PACRG: variants seen among roughly 807,000 people sequenced by gnomAD.
The protein encoded by PACRG is parkin coregulated gene protein.
A neutral mutation model predicts 29.7 loss-of-function variants in PACRG; 29 were observed. The observed-to-expected ratio is 0.98, with a 90% CI of 0.73 to 1.33. PACRG has a LOEUF of 1.33. Ranked by LOEUF, PACRG falls within the 40% of genes most tolerant of loss-of-function variation. The pLI is 0.00. For synonymous variants in PACRG, 116 were observed against 118.7 expected, an observed-to-expected ratio of 0.98 and a Z score of 0.15; for missense variants, 279 against 316.2, an observed-to-expected ratio of 0.88 and a Z score of 0.89.
chr6:162,731,352 A>G (rs1250384425), intron 1 of PACRG, among the ~76,000 whole-genome samples: 2 of 152,122 alleles, frequency 1.3e-5, no homozygotes, highest in African/African-American at 4.8e-5. Context: ...TTGGATTGAA[A>G]TGTTTGGGAT....
intron 2 of PACRG, among the ~76,000 whole-genome samples, chr6:162,936,637 A>G (rs1247484471): frequency 6.6e-6 from 1 of 152,096 alleles, no homozygotes; most frequent in Non-Finnish European, 1.5e-5. Flanking sequence ...TATTGTTTCC[A>G]TTATAATTTT....
chr6:162,947,617 T>TATATATAATCATATATATATATAATC (rs1554313367), intron 2 of PACRG, among the ~76,000 whole-genome samples: 1 of 38,340 alleles, frequency 2.6e-5, no homozygotes, highest in East Asian at 5.6e-4. Context: ...TAATCATATA[T>TATATATAATCATATATATATATAATC]ATATATATAT....
intron 2 of PACRG, among the ~76,000 whole-genome samples, chr6:162,955,473 G>C (rs1562775375): frequency 6.6e-6 from 1 of 151,912 alleles, no homozygotes; most frequent in African/African-American, 2.4e-5. Context: ...CTAATTTTTT[G>C]TATTTTTAGT....
intron 2 of PACRG, among the ~76,000 whole-genome samples, chr6:162,851,979 A>G (rs950256371): frequency 2.6e-5 from 3 of 115,540 alleles, no homozygotes; most frequent in African/African-American, 1.2e-4. Flanking sequence ...GGAAAAGAGA[A>G]AAGAAAAGGG....
chr6:162,854,344 G>A (rs546058207), intron 2 of PACRG, among the ~76,000 whole-genome samples: 25 of 152,056 alleles, frequency 1.6e-4, no homozygotes, highest in Non-Finnish European at 3.7e-4. Context: ...ACTGGGAACA[G>A]AAACTTCTAC....
At chr6:162,792,906 G>A (rs1785073193) in intron 1 of PACRG, among the ~76,000 whole-genome samples, 1 of 152,160 alleles carries the variant, frequency 6.6e-6, no homozygotes, top group Non-Finnish European at 1.5e-5. Context: ...GTGACCTAGT[G>A]TTTACACTTT....
At chr6:163,083,259 A>G (rs879627002) in intron 3 of PACRG, among the ~76,000 whole-genome samples, 4 of 152,188 alleles carry the variant, frequency 2.6e-5, no homozygotes, top group Non-Finnish European at 5.9e-5. Context: ...GCTCACTGAG[A>G]TAGATGCAAA....
chr6:163,020,431 CA>C (rs138748793), intron 2 of PACRG, among the ~76,000 whole-genome samples: 5,280 of 152,204 alleles, frequency 0.035, 133 homozygotes, highest in Non-Finnish European at 0.051. Context: ...TAAAACCAAA[CA>C]CGCAGAGACC....
intron 1 of PACRG, among the ~76,000 whole-genome samples, chr6:162,761,399 C>A (rs777293970): frequency 6.6e-6 from 1 of 152,160 alleles, no homozygotes; most frequent in Admixed American, 6.5e-5. Flanking sequence ...TATAAAGGCG[C>A]AGGATCACGA....
chr6:163,300,689 G>A (rs766524895), intron 4 of PACRG, among the ~76,000 whole-genome samples: 62 of 152,280 alleles, frequency 4.1e-4, no homozygotes, highest in Middle Eastern at 3.4e-3. Context: ...TCAGGAAACC[G>A]GAATATAAAT....
At chr6:162,795,158 A>G (rs1379493120) in intron 1 of PACRG, among the ~76,000 whole-genome samples, 2 of 151,816 alleles carry the variant, frequency 1.3e-5, no homozygotes, top group African/African-American at 4.8e-5. Flanking sequence ...AATTTGCCTG[A>G]TATGTTCAAG....
At chr6:163,017,045 A>T (rs1190802536) in intron 2 of PACRG, among the ~76,000 whole-genome samples, 1 of 152,154 alleles carries the variant, frequency 6.6e-6, no homozygotes, top group African/African-American at 2.4e-5. Context: ...CTAGAAATAC[A>T]CTCATGAAGG....
At chr6:162,742,579 A>T (rs1283769470) in intron 1 of PACRG, among the ~76,000 whole-genome samples, 1 of 152,162 alleles carries the variant, frequency 6.6e-6, no homozygotes, top group East Asian at 1.9e-4. Context: ...GGTTCATCAT[A>T]GTGTCATAAA....
At chr6:162,984,207 T>G (rs1207104905) in intron 2 of PACRG, among the ~76,000 whole-genome samples, 4 of 151,958 alleles carry the variant, frequency 2.6e-5, no homozygotes, top group Admixed American at 6.6e-5. Flanking sequence ...AAAGTCCAAT[T>G]ATCATTCTTA....
intron 2 of PACRG, among the ~76,000 whole-genome samples, chr6:162,858,681 G>T (rs959035604): frequency 5.3e-5 from 8 of 152,292 alleles, no homozygotes; most frequent in African/African-American, 1.9e-4. Context: ...GCAGAAGTAA[G>T]ACTGGAGGAT....
At chr6:162,732,141 CCT>C (rs1779817167) in intron 1 of PACRG, among the ~76,000 whole-genome samples, 2 of 152,192 alleles carry the variant, frequency 1.3e-5, no homozygotes, top group African/African-American at 4.8e-5. Context: ...AATAAATACA[CCT>C]ACATTTTCCC....
At chr6:163,161,500 G>A (rs1778554265) in intron 4 of PACRG, among the ~76,000 whole-genome samples, 1 of 152,166 alleles carries the variant, frequency 6.6e-6, no homozygotes. Flanking sequence ...TATGTAACCA[G>A]TTCCTTCTTG....
chr6:162,962,244 G>A (rs9458684), intron 2 of PACRG, among the ~76,000 whole-genome samples: 23,660 of 152,030 alleles, frequency 0.16, 3,238 homozygotes, highest in African/African-American at 0.36. Flanking sequence ...CCTTTACCAG[G>A]CTCTAAGCCC....
intron 4 of PACRG, among the ~76,000 whole-genome samples, chr6:163,129,908 T>A (rs1816666581): frequency 6.6e-6 from 1 of 152,092 alleles, no homozygotes; most frequent in African/African-American, 2.4e-5. Context: ...TTTGGAAAAA[T>A]AACAAGATTA....
Sources: gnomAD v4.1 joint callset for allele counts (sites outside exome capture counted in the v4.1 genomes callset) on GRCh38, gnomAD v4.1.1 for gene constraint, MANE v1.5 for transcripts, NCBI Gene and HGNC (gene_info 2026-07-23, HGNC 2026-07-21) for gene names.